Variants in DCAF8L2 observed in about 807,000 individuals in gnomAD.
DCAF8L2 encodes DDB1 and CUL4 associated factor 8 like 2.
For synonymous variants in DCAF8L2, 200 were observed against 190.9 expected (o/e 1.05, Z -0.39); for missense variants, 430 against 490.7 (o/e 0.88, Z 1.17).
intron 3 of DCAF8L2, among the ~76,000 whole-genome samples, chrX:27,692,679 A>G (rs1176980321): frequency 8.9e-6 from 1 of 111,960 alleles, no homozygotes; most frequent in African/African-American, 3.2e-5. Context: ...AGACTTAGAG[A>G]AAGTTGTTTA....
At chrX:27,477,317 T>G in the DCAF8L2 span, among the ~76,000 whole-genome samples, 1 of 112,170 alleles carries the variant, frequency 8.9e-6, no homozygotes, top group Non-Finnish European at 1.9e-5. Flanking sequence ...AGACGGAGTC[T>G]CGCTCTGTTG....
the DCAF8L2 span, among the ~76,000 whole-genome samples, chrX:27,498,598 T>A: frequency 1.8e-5 from 2 of 112,322 alleles, no homozygotes; most frequent in Non-Finnish European, 3.8e-5. Context: ...TCTTAGCATA[T>A]TTCAAACATA....
chrX:27,532,434 CAT>C, the DCAF8L2 span, among the ~76,000 whole-genome samples: 1 of 111,510 alleles, frequency 9.0e-6, no homozygotes, highest in Non-Finnish European at 1.9e-5. Flanking sequence ...AATTATAAAC[CAT>C]AGAGAAAAAT....
chrX:27,485,715 A>G, the DCAF8L2 span, among the ~76,000 whole-genome samples: 1 of 110,900 alleles, frequency 9.0e-6, no homozygotes, highest in Non-Finnish European at 1.9e-5. Flanking sequence ...ATGACACAAA[A>G]AATCCTATAT....
At chrX:27,619,204 A>G (rs1053977983) in intron 1 of DCAF8L2, among the ~76,000 whole-genome samples, 7 of 111,706 alleles carry the variant, frequency 6.3e-5, no homozygotes, top group African/African-American at 2.3e-4. Flanking sequence ...TGAATATAGC[A>G]TAAGATTTAT....
chrX:27,629,160 C>T (rs1002336618), intron 1 of DCAF8L2, among the ~76,000 whole-genome samples: 1 of 111,344 alleles, frequency 9.0e-6, no homozygotes, highest in African/African-American at 3.3e-5. Flanking sequence ...TTTTCCCATT[C>T]TGTAGACTTT....
chrX:27,491,566 G>A, the DCAF8L2 span, among the ~76,000 whole-genome samples: 6 of 112,050 alleles, frequency 5.4e-5, no homozygotes, highest in African/African-American at 1.6e-4. Context: ...TGCCTACTCT[G>A]CATTTCTGTC....
At chrX:27,715,283 C>T (rs771136060) in intron 3 of DCAF8L2, among the ~76,000 whole-genome samples, 3 of 104,092 alleles carry the variant, frequency 2.9e-5, no homozygotes, top group Non-Finnish European at 3.9e-5. Flanking sequence ...AGGAGAATGG[C>T]GTGAACCCGG....
At chrX:27,627,736 A>G (rs1486140201) in intron 1 of DCAF8L2, among the ~76,000 whole-genome samples, 1 of 107,634 alleles carries the variant, frequency 9.3e-6, no homozygotes, top group Non-Finnish European at 1.9e-5. Flanking sequence ...TCTACCAAAA[A>G]TACAAAAATT....
intron 1 of DCAF8L2, among the ~76,000 whole-genome samples, chrX:27,616,427 T>C (rs905134700): frequency 1.8e-5 from 2 of 111,466 alleles, no homozygotes; most frequent in African/African-American, 6.5e-5. Flanking sequence ...TCTATGAGAA[T>C]TGGAATAATT....
the DCAF8L2 span, among the ~76,000 whole-genome samples, chrX:27,505,702 T>C: frequency 9.0e-6 from 1 of 111,457 alleles, no homozygotes; most frequent in Non-Finnish European, 1.9e-5. Flanking sequence ...TGAAGGGTTG[T>C]CACTAGTCGA....
chrX:27,515,121 A>G, the DCAF8L2 span, among the ~76,000 whole-genome samples: 1 of 112,111 alleles, frequency 8.9e-6, no homozygotes, highest in Non-Finnish European at 1.9e-5. Flanking sequence ...CATGCATTGA[A>G]GCATCATACT....
intron 2 of DCAF8L2, among the ~76,000 whole-genome samples, chrX:27,644,970 A>G (rs191929140): frequency 1.5e-4 from 17 of 111,929 alleles, no homozygotes; most frequent in African/African-American, 4.9e-4. Flanking sequence ...GTTGGCCAGG[A>G]TGGCCATGAT....
chrX:27,697,172 T>C (rs1930956409), intron 3 of DCAF8L2, among the ~76,000 whole-genome samples: 1 of 111,788 alleles, frequency 8.9e-6, no homozygotes, highest in Admixed American at 9.5e-5. Flanking sequence ...TTCACCAGTA[T>C]GATTGACAGG....
chrX:27,653,888 A>T (rs1929249673), intron 2 of DCAF8L2, among the ~76,000 whole-genome samples: 1 of 111,658 alleles, frequency 9.0e-6, no homozygotes, highest in South Asian at 3.7e-4. Context: ...GTCAATGTCC[A>T]AATGACTTGG....
chrX:27,661,090 C>A (rs1662828307), intron 2 of DCAF8L2, among the ~76,000 whole-genome samples: 1 of 111,345 alleles, frequency 9.0e-6, no homozygotes, highest in African/African-American at 3.3e-5. Flanking sequence ...GTGAGTCAGA[C>A]CCAGTGTGAA....
chrX:27,529,851 GAA>G, the DCAF8L2 span, among the ~76,000 whole-genome samples: 1 of 111,745 alleles, frequency 8.9e-6, no homozygotes. Flanking sequence ...AATATCTTGG[GAA>G]AAAGAGAATA....
chrX:27,689,478 C>T (rs781397757), intron 3 of DCAF8L2, among the ~76,000 whole-genome samples: 167 of 112,633 alleles, frequency 1.5e-3, no homozygotes, highest in Non-Finnish European at 2.4e-3. Flanking sequence ...CTCCTGACCT[C>T]AGGTGATCCA....
rs1355061495 is a variant in DCAF8L2 at position 27,606,492 on chromosome X, TC to T, written c.-342+16055del. Among the ~76,000 whole-genome samples the T allele has an allele frequency of 1.2e-4, 12 of 101,476 alleles. No individual in the cohort carries two copies. The Admixed American group carries it at 1.3e-3, about 11-fold the overall frequency. 88.1% of individuals were successfully genotyped at this position (101,476 alleles called of 115,157 possible). ...TTGAAGCGATTCTCCTGCCACAGCCTCCCGAGTAGCTGGGATTACAGGTGCC... is the reference window on the plus strand; with the variant it reads ...TTGAAGCGATTCTCCTGCCACAGCCTCCGAGTAGCTGGGATTACAGGTGCC... On this transcript the variant is annotated intron_variant, in intron 1 of 4. Transcript: ENST00000451261.
Sources: allele counts gnomAD v4.1 joint callset (sites outside exome capture counted in the v4.1 genomes callset), GRCh38; gene constraint gnomAD v4.1.1; transcripts MANE v1.5; gene names NCBI Gene and HGNC (gene_info 2026-07-23, HGNC 2026-07-21).